The following BAZ2B variants were observed in gnomAD, a reference collection of about 807,000 sequenced individuals.
BAZ2B encodes the protein bromodomain adjacent to zinc finger domain protein 2B.
BAZ2B carries 91 observed loss-of-function variants against 246.0 expected under a neutral mutation model. The observed-to-expected ratio is 0.37, with a 90% CI of 0.31 to 0.44. The LOEUF is 0.44. BAZ2B is among the 20% of genes least tolerant of loss of function. The pLI, the probability that BAZ2B is intolerant of heterozygous loss-of-function variation, is 1.00. For missense variants in BAZ2B, 2,332 were observed against 2,533.7 expected, an observed-to-expected ratio of 0.92 and a Z score of 1.71; for synonymous variants, 855 against 860.0, an observed-to-expected ratio of 0.99 and a Z score of 0.10.
intron 3 of BAZ2B, chr2:159,464,663 C>T (rs530745375): frequency 2.0e-5 from 3 of 152,140 alleles, no homozygotes; most frequent in Admixed American, 6.5e-5. Flanking sequence ...TCAAACATGC[C>T]GAATAAGCTT....
At chr2:159,625,139 G>A in the BAZ2B span, among the ~76,000 whole-genome samples, 924 of 152,040 alleles carry the variant, frequency 6.1e-3, 7 homozygotes, top group African/African-American at 0.021. Context: ...AAAAAAGAAC[G>A]AAAAGGAATG....
At chr2:159,585,772 A>C (rs1409365851) in intron 1 of BAZ2B, among the ~76,000 whole-genome samples, 1 of 152,230 alleles carries the variant, frequency 6.6e-6, no homozygotes, top group Non-Finnish European at 1.5e-5. Flanking sequence ...GCCTTCATTC[A>C]ATGACTAGGA....
chr2:159,345,208 T>A (rs1159007218), intron 31 of BAZ2B, among the ~76,000 whole-genome samples: 3 of 127,952 alleles, frequency 2.3e-5, no homozygotes, highest in African/African-American at 8.8e-5. Context: ...TGAAACTTGG[T>A]CTCAAAAAAA....
intron 2 of BAZ2B, among the ~76,000 whole-genome samples, chr2:159,487,619 A>C (rs2079981833): frequency 6.6e-6 from 1 of 151,972 alleles, no homozygotes; most frequent in South Asian, 2.1e-4. Context: ...AAACATCTAG[A>C]CTCTGACCTG....
chr2:159,552,185 T>C (rs2088358514), intron 2 of BAZ2B, among the ~76,000 whole-genome samples: 1 of 152,220 alleles, frequency 6.6e-6, no homozygotes, highest in African/African-American at 2.4e-5. Context: ...GTTGCCATTC[T>C]AGTTCTCTGA....
At chr2:159,628,578 C>A in the BAZ2B span, among the ~76,000 whole-genome samples, 1 of 152,244 alleles carries the variant, frequency 6.6e-6, no homozygotes, top group East Asian at 1.9e-4. Flanking sequence ...GAAAGGATTC[C>A]CTATTTAATA....
intron 36 of BAZ2B, among the ~76,000 whole-genome samples, chr2:159,321,623 GAGGTCATTATATTAAGTGAAATAAGCC>G (rs2062728566): frequency 1.3e-5 from 2 of 152,162 alleles, no homozygotes; most frequent in Admixed American, 1.3e-4. Context: ...GATCAAACTG[GAGGTCATTATATTAAGTGAAATAAGCC>G]AGGCACAGAA....
In BAZ2B at chr2:159,412,204, A is replaced by T; in HGVS notation, c.2677+131T>A. 2.8e-5 allele frequency: 28 copies of T among 1,011,342 alleles called. No individual in the cohort carries two copies. The Admixed American group carries it at 4.5e-4, about 16-fold the overall frequency. 62.6% of individuals were successfully genotyped at this position (1,011,342 alleles called of 1,614,324 possible). Reference sequence around the variant, plus strand: ...TACCAGTGGGACTCCTTATTTTTTCATTTTATTCTAACACAACTATTTACT... The same window carrying T: ...TACCAGTGGGACTCCTTATTTTTTCTTTTTATTCTAACACAACTATTTACT... On this transcript the variant is annotated intron_variant, in intron 14 of 36. Coordinates refer to ENST00000392783, the MANE Select transcript of BAZ2B (RefSeq NM_013450.4).
At chr2:159,505,330 GA>G (rs1369847632) in intron 2 of BAZ2B, among the ~76,000 whole-genome samples, 2 of 152,030 alleles carry the variant, frequency 1.3e-5, no homozygotes, top group Admixed American at 1.3e-4. Context: ...CTGCATATTA[GA>G]AACACATGGG....
chr2:159,398,950 A>G, intron 17 of BAZ2B, 56 bp from the exon 18 acceptor site: 3 of 1,506,794 alleles, frequency 2.0e-6, no homozygotes, highest in Non-Finnish European at 2.7e-6. Flanking sequence ...CAACTTGCAA[A>G]TAATGTCAGA....
At chr2:159,419,759 G>A (rs372042550) in intron 13 of BAZ2B, 4 of 152,036 alleles carry the variant, frequency 2.6e-5, no homozygotes, top group Non-Finnish European at 5.9e-5. Context: ...TATAGGCCTC[G>A]CCTAGCCACA....
At chr2:159,408,565 T>G (rs772898495) in intron 14 of BAZ2B, among the ~76,000 whole-genome samples, 3 of 152,092 alleles carry the variant, frequency 2.0e-5, no homozygotes, top group Non-Finnish European at 2.9e-5. Flanking sequence ...TAACTAATCA[T>G]TAAAAATTTA....
chr2:159,599,819 C>G (rs757808851), intron 1 of BAZ2B, among the ~76,000 whole-genome samples: 3 of 150,888 alleles, frequency 2.0e-5, no homozygotes, highest in Non-Finnish European at 4.4e-5. Flanking sequence ...GCCTGTAGTC[C>G]CAGCTACTCG....
At chr2:159,692,382 T>C in the BAZ2B span, among the ~76,000 whole-genome samples, 1 of 152,290 alleles carries the variant, frequency 6.6e-6, no homozygotes, top group East Asian at 1.9e-4. Flanking sequence ...GGTCTTGACC[T>C]CCTGACCTCA....
chr2:159,499,791 CAT>C (rs1466439477), intron 2 of BAZ2B, among the ~76,000 whole-genome samples: 8 of 152,192 alleles, frequency 5.3e-5, no homozygotes, highest in African/African-American at 1.7e-4. Context: ...AGCTTTTTTT[CAT>C]ATGTTTGTTG....
At chr2:159,371,011 T>G (rs1460281865) in intron 27 of BAZ2B, among the ~76,000 whole-genome samples, 1 of 152,088 alleles carries the variant, frequency 6.6e-6, no homozygotes, top group Non-Finnish European at 1.5e-5. Context: ...TTTCTCCATG[T>G]TGGTCAGGCT....
intron 2 of BAZ2B, among the ~76,000 whole-genome samples, chr2:159,508,117 C>T (rs894910285): frequency 1.3e-5 from 2 of 152,114 alleles, no homozygotes; most frequent in Admixed American, 6.5e-5. Flanking sequence ...GCAATCTACC[C>T]GCCTTGGCCT....
the BAZ2B span, among the ~76,000 whole-genome samples, chr2:159,627,515 T>C: frequency 1.3e-5 from 2 of 152,146 alleles, no homozygotes; most frequent in South Asian, 2.1e-4. Context: ...TGGTTCAACA[T>C]ATGCAAATCA....
At chr2:159,415,349 G>A (rs987530673) in intron 13 of BAZ2B, among the ~76,000 whole-genome samples, 3 of 149,410 alleles carry the variant, frequency 2.0e-5, no homozygotes, top group Non-Finnish European at 3.0e-5. Context: ...GGAGGCTGAG[G>A]CAGAAGAATT....
Sources: gnomAD v4.1 joint callset for allele counts (sites outside exome capture counted in the v4.1 genomes callset) on GRCh38, gnomAD v4.1.1 for gene constraint, MANE v1.5 for transcripts, NCBI Gene and HGNC (gene_info 2026-07-23, HGNC 2026-07-21) for gene names.